DNHD1: variants seen among roughly 807,000 people sequenced by gnomAD.
DNHD1 encodes dynein heavy chain domain 1.
DNHD1 carries 383 observed loss-of-function variants against 458.1 expected under a neutral mutation model. That is an observed-to-expected ratio of 0.84 (90% CI 0.77 to 0.91). The LOEUF (loss-of-function observed/expected upper bound fraction) is 0.91, where lower values mean the gene tolerates loss of function less well. Ranked by LOEUF, DNHD1 falls within the 40% of genes least tolerant of loss-of-function variation. The pLI is 0.00. For missense variants in DNHD1, 5,336 were observed against 5,866.1 expected, an observed-to-expected ratio of 0.91 and a Z score of 2.95; for synonymous variants, 2,203 against 2,376.9, an observed-to-expected ratio of 0.93 and a Z score of 2.13.
intron 24 of DNHD1, among the ~76,000 whole-genome samples, chr11:6,550,078 TTAA>T (rs956470972): frequency 6.6e-6 from 1 of 152,244 alleles, no homozygotes; most frequent in African/African-American, 2.4e-5. Flanking sequence ...GTATTCGTAC[TTAA>T]TAATAGCCAG....
intron 37 of DNHD1, 24 bp downstream of exon 37, chr11:6,568,266 T>C (rs1853756240): frequency 1.3e-6 from 2 of 1,539,066 alleles, no homozygotes; most frequent in East Asian, 2.5e-5. Flanking sequence ...CTAGATTGGC[T>C]TCCAGGATCC....
chr11:6,558,312 C>T lies in DNHD1; in HGVS notation c.9002+15C>T. The T allele has an allele frequency of 1.3e-6, 2 of 1,547,442 alleles. No homozygotes were observed. Among genetic ancestry groups the T allele is most frequent in the Non-Finnish European group, 1.7e-6 (2 of 1,145,046 alleles). ...GTGTTGCAGAGGTGAGGCCAAGAAC[C>T]CCATATGCGAATCTGCTCTGCTCTT... On this transcript the variant is annotated intron_variant, in intron 25 of 42. Coordinates refer to ENST00000254579, the MANE Select transcript of DNHD1 (RefSeq NM_144666.3).
intron 4 of DNHD1, among the ~76,000 whole-genome samples, chr11:6,506,791 A>G (rs980854795): frequency 4.6e-5 from 7 of 151,950 alleles, no homozygotes; most frequent in African/African-American, 7.3e-5. Flanking sequence ...AATTACGTTT[A>G]TCATCTTCTC....
chr11:6,568,901 C>T, intron 39 of DNHD1, 35 bp downstream of exon 39: 1 of 1,573,314 alleles, frequency 6.4e-7, no homozygotes, highest in Non-Finnish European at 8.6e-7. Flanking sequence ...CTCAGTCAAT[C>T]ACTCAACAAA....
Position 6,545,891 on chromosome 11 carries a change from A to G in DNHD1, c.4952A>G (p.Tyr1651Cys). 3 of 1,551,822 alleles carry G rather than the reference A, an allele frequency of 1.9e-6. No individual in the cohort carries two copies. The highest frequency in any genetic ancestry group is 2.6e-6 in the Non-Finnish European group (3 of 1,147,022). ...DVLGRSFLYNYEYLGPRLGPL... is the reference protein window; with the variant it reads ...DVLGRSFLYNCEYLGPRLGPL... The stretch of plus-strand genomic sequence containing the variant: ...CTAGGCAGGTCCTTCCTGTACAATT[A>G]CGAGTATCTGGGACCTAGACTAGGG... The change falls in exon 21 of 43, where the codon TAC (tyrosine) becomes TGC (cysteine). Residue 1651 changes from tyrosine (Y) to cysteine (C), a missense_variant. Tyr to Cys is a radical substitution (Grantham distance 194, BLOSUM62 -2). This residue lies in a region of DNHD1 where 3,932 missense variants were observed against 4,365.6 expected (regional missense o/e 0.90). Coordinates refer to ENST00000254579, the MANE Select transcript of DNHD1 (RefSeq NM_144666.3). The surrounding 1 kb of genome is among the most constrained non-coding windows in gnomAD (Gnocchi z 4.9).
intron 2 of DNHD1, 49 bp downstream of exon 2, chr11:6,497,716 T>A (rs1852056140): frequency 6.2e-6 from 1 of 160,950 alleles, no homozygotes; most frequent in Non-Finnish European, 1.4e-5. Flanking sequence ...GTGGCTATGA[T>A]TAGGGTGAGC....
chr11:6,556,928 G>T lies in DNHD1; in HGVS notation c.7633G>T (p.Ala2545Ser), dbSNP rs1183739536. Residue 2545 changes from alanine to serine, a missense_variant, in exon 25 of 43, where the codon GCT becomes TCT. Physicochemically the swap from Ala to Ser is moderately conservative, Grantham distance 99 (BLOSUM62 1). Coordinates refer to ENST00000254579, the MANE Select transcript of DNHD1 (RefSeq NM_144666.3). ...LLERHVPIIQ[A>S]WLERFPSVER... ...GGAAAGACATGTGCCTATCATTCAG[G>T]CTTGGCTTGAGCGTTTCCCTTCTGT... 1.3e-6 allele frequency: 2 copies of T among 1,551,716 alleles called. No individual in the cohort carries two copies. Among genetic ancestry groups the T allele is most frequent in the Non-Finnish European group, 1.7e-6 (2 of 1,147,006 alleles).
rs1464143353 is a variant in DNHD1, at chr11:6,539,844, C to T, written c.3421-32C>T. Reference sequence around the variant, plus strand: ...CAAGCCTGTCCCCGAAGCAGTTACCCAGTCCTGGTTCCTGAGACCCAGCTG... The same window carrying T: ...CAAGCCTGTCCCCGAAGCAGTTACCTAGTCCTGGTTCCTGAGACCCAGCTG... On this transcript the variant is annotated intron_variant, in intron 17 of 42. Transcript: ENST00000254579. 1.9e-6 allele frequency: 3 copies of T among 1,546,598 alleles called. No homozygotes were observed. In the East Asian group the frequency reaches 7.3e-5, roughly 38 times the overall value.
At chr11:6,542,484 G>A (rs1339866774) in intron 18 of DNHD1, among the ~76,000 whole-genome samples, 1 of 152,140 alleles carries the variant, frequency 6.6e-6, no homozygotes, top group African/African-American at 2.4e-5. Context: ...CTCCTTTTCA[G>A]TTTTCCCTTC....
At position 6,557,278 on chromosome 11, in the gene DNHD1, C is replaced by A; in HGVS notation, c.7983C>A (p.Ser2661Arg). Residue 2661 changes from serine to arginine, a missense_variant, in exon 25 of 43, where the codon AGC becomes AGA. By Grantham distance (110) the Ser-to-Arg change is moderately radical (BLOSUM62 -1). Transcript: ENST00000254579. ...GAACCTTTTGCGACCGGCTGGACAGCCCCAGGGAACGCTCCTACTGTGCCA... is the reference window on the plus strand; with the variant it reads ...GAACCTTTTGCGACCGGCTGGACAGACCCAGGGAACGCTCCTACTGTGCCA... Reference protein sequence around the residue: ...AQRTFCDRLDSPRERSYCAKL... With the variant: ...AQRTFCDRLDRPRERSYCAKL... The A allele has an allele frequency of 6.4e-7, 1 of 1,551,526 alleles. No homozygotes were observed. The highest frequency in any genetic ancestry group is 1.4e-5 in the African/African-American group (1 of 73,176).
At position 6,547,302 on chromosome 11, in the gene DNHD1, C is replaced by T. The variant is rs1853242775; in HGVS notation, c.6363C>T (p.Gly2121=). The change falls in exon 21 of 43, where the codon GGC becomes GGT. Residue 2121 remains glycine (G), a synonymous_variant. Transcript: ENST00000254579. ...GACAGCAGATAGCACGACCCCCAGGCACCTTTCTCTTGATGGAGGTGGCTG... is the reference window on the plus strand; with the variant it reads ...GACAGCAGATAGCACGACCCCCAGGTACCTTTCTCTTGATGGAGGTGGCTG... ...PSGQQIARPP[G]TFLLMEVADT... 4 of 1,551,712 alleles carry T rather than the reference C, an allele frequency of 2.6e-6. No individual in the cohort carries two copies. Among genetic ancestry groups the T allele is most frequent in the East Asian group, 2.4e-5 (1 of 40,936 alleles).
chr11:6,546,786 C>A lies in DNHD1; in HGVS notation c.5847C>A (p.Tyr1949Ter). Residue 1949 changes from tyrosine to a stop codon, truncating the protein, a stop_gained, in exon 21 of 43, where the codon TAC becomes TAA. Transcript: ENST00000254579. LOFTEE classifies it high-confidence loss of function. Reference protein sequence around the residue: ...ASQVLAEPMTYKLMKPLVVEE... With the variant: ...ASQVLAEPMT The stretch of plus-strand genomic sequence containing the variant: ...AAGTGCTGGCAGAACCTATGACTTA[C>A]AAGCTGATGAAGCCATTGGTGGTGG... 1 of 1,551,842 alleles carries A rather than the reference C, an allele frequency of 6.4e-7. No homozygotes were observed.
rs774465784 is a variant in DNHD1 at position 6,571,085 on chromosome 11, G to A, written c.13573G>A (p.Ala4525Thr). The A allele has an allele frequency of 1.5e-5, 24 of 1,588,368 alleles. No homozygotes were observed. The highest frequency in any genetic ancestry group is 1.2e-4 in the South Asian group (11 of 88,810). ...CCCCTCCCGCCGCTGTGCTGCGGTGGCCCACGCTCTCTGGACTGGCCGCCT... is the reference window on the plus strand; with the variant it reads ...CCCCTCCCGCCGCTGTGCTGCGGTGACCCACGCTCTCTGGACTGGCCGCCT... ...PCPSRRCAAV[A>T]HALWTGRLPL... is the part of the protein sequence containing the mutation. The change falls in exon 42 of 43, where the codon GCC (alanine) becomes ACC (threonine). Residue 4525 changes from alanine to threonine, a missense_variant. Physicochemically the swap from Ala to Thr is moderately conservative, Grantham distance 58. Transcript: ENST00000254579. The surrounding 1 kb of genome is among the most constrained non-coding windows in gnomAD (Gnocchi z 5.0).
At chr11:6,506,506 A>G (rs909232052) in intron 4 of DNHD1, among the ~76,000 whole-genome samples, 1 of 152,182 alleles carries the variant, frequency 6.6e-6, no homozygotes, top group Non-Finnish European at 1.5e-5. Flanking sequence ...GTGCACCATC[A>G]ATAGAACTCT....
chr11:6,553,245 A>C (rs1252579526), intron 24 of DNHD1, among the ~76,000 whole-genome samples: 1 of 152,232 alleles, frequency 6.6e-6, no homozygotes, highest in Non-Finnish European at 1.5e-5. Flanking sequence ...TAACAGAATA[A>C]AGGAGCAAAT....
At position 6,571,894 on chromosome 11, in the gene DNHD1, A is replaced by G; in HGVS notation, c.14170A>G (p.Asn4724Asp). 5.0e-6 allele frequency: 8 copies of G among 1,614,030 alleles called. No individual in the cohort carries two copies. Among genetic ancestry groups the G allele is most frequent in the Non-Finnish European group, 6.8e-6 (8 of 1,179,902 alleles). ...PLGTAKLQSR[N>D]IVMHLPLPTK... ...TGGCACCGCTAAGCTGCAGAGCAGGAACATCGTGATGCATCTGCCTTTACC... is the reference window on the plus strand; with the variant it reads ...TGGCACCGCTAAGCTGCAGAGCAGGGACATCGTGATGCATCTGCCTTTACC... Residue 4724 changes from asparagine (N) to aspartate (D), a missense_variant, in exon 43 of 43, where the codon AAC (asparagine) becomes GAC (aspartate). Around this residue, in one of 4 missense-constraint regions of DNHD1, gnomAD observed 698 missense variants for 664.9 expected, o/e 1.05. Transcript: ENST00000254579. This position sits in a 1 kb window ranked among gnomAD's most constrained non-coding sequence, Gnocchi z 5.0.
chr11:6,501,300 GA>G (rs1258519574), intron 3 of DNHD1, among the ~76,000 whole-genome samples: 28 of 48,294 alleles, frequency 5.8e-4, no homozygotes, highest in Non-Finnish European at 8.6e-4. Flanking sequence ...TCTGGGTAGG[GA>G]TTTTTTTTTT....
intron 4 of DNHD1, among the ~76,000 whole-genome samples, chr11:6,504,851 T>C (rs541973840): frequency 2.6e-5 from 4 of 152,304 alleles, no homozygotes; most frequent in African/African-American, 7.2e-5. Flanking sequence ...GTTCTTTTTT[T>C]AGACAGTCTT....
In DNHD1 at chr11:6,545,795, C is replaced by T; in HGVS notation, c.4856C>T (p.Pro1619Leu). The change falls in exon 21 of 43, where the codon CCC becomes CTC. Residue 1619 changes from proline to leucine, a missense_variant. By Grantham distance (98) the Pro-to-Leu change is moderately conservative. This residue lies in a region of DNHD1 where 3,932 missense variants were observed against 4,365.6 expected (regional missense o/e 0.90). Transcript: ENST00000254579. The surrounding 1 kb of genome is among the most constrained non-coding windows in gnomAD (Gnocchi z 4.9). The part of the protein sequence containing the change: ...LGSPHIIPKS[P>L]LQSLKTIASS... ...TCACCTCACATAATCCCCAAAAGCC[C>T]CCTACAGAGTCTTAAGACTATTGCA... 6.4e-7 allele frequency: 1 copy of T among 1,551,862 alleles called. No homozygotes were observed. Among genetic ancestry groups the T allele is most frequent in the Non-Finnish European group, 8.7e-7 (1 of 1,147,022 alleles).
Sources: allele counts gnomAD v4.1 joint callset (sites outside exome capture counted in the v4.1 genomes callset), GRCh38; gene constraint gnomAD v4.1.1; regional missense constraint gnomAD v4.1.1; non-coding constraint Gnocchi (gnomAD v3.1); transcripts MANE v1.5; gene names NCBI Gene and HGNC (gene_info 2026-07-23, HGNC 2026-07-21).